The following RAB31 variants were observed in gnomAD, a reference collection of about 807,000 sequenced individuals.
RAB31 encodes the protein RAB31, member RAS oncogene family, also known as ras-related protein Rab-31.
RAB31 carries 21 observed loss-of-function variants against 25.6 expected under a neutral mutation model. The observed-to-expected ratio is 0.82, with a 90% CI of 0.58 to 1.18. The LOEUF (loss-of-function observed/expected upper bound fraction) is 1.18. Among genes scored for constraint, RAB31 ranks in the 50% most tolerant of loss-of-function variants. The pLI is 0.00. For synonymous variants in RAB31, 87 were observed against 84.0 expected (o/e 1.04, Z -0.20); for missense variants, 196 against 250.1 (o/e 0.78, Z 1.46).
chr18:9,770,591 C>T (rs1329570188), intron 1 of RAB31, among the ~76,000 whole-genome samples: 1 of 152,188 alleles, frequency 6.6e-6, no homozygotes, highest in East Asian at 1.9e-4. Flanking sequence ...GAGTACGTCT[C>T]TGATATCGAC....
intron 5 of RAB31, among the ~76,000 whole-genome samples, chr18:9,835,150 G>A (rs1000495196): frequency 1.3e-5 from 2 of 152,074 alleles, no homozygotes; most frequent in East Asian, 1.9e-4. Flanking sequence ...TAGCTAAGAC[G>A]GTGTAGGGTC....
intron 2 of RAB31, among the ~76,000 whole-genome samples, chr18:9,780,252 G>T (rs1408237943): frequency 6.7e-6 from 1 of 150,142 alleles, no homozygotes; most frequent in Non-Finnish European, 1.5e-5. Flanking sequence ...AGGAATCTTA[G>T]TGTACATACA....
At chr18:9,789,684 A>G (rs1470009224) in intron 2 of RAB31, among the ~76,000 whole-genome samples, 1 of 152,100 alleles carries the variant, frequency 6.6e-6, no homozygotes, top group Non-Finnish European at 1.5e-5. Context: ...AATTTTTTTT[A>G]TGAAATACAT....
In RAB31 at chr18:9,846,247, C is replaced by T. The variant is rs116006636; in HGVS notation, c.490+556C>T. Reference sequence around the variant, plus strand: ...CCTTCCTGGTCCCAGTGCTGGGTCCCGTTATGCTCACTGTATGCCGGCTCC... The same window carrying T: ...CCTTCCTGGTCCCAGTGCTGGGTCCTGTTATGCTCACTGTATGCCGGCTCC... On this transcript the variant is annotated intron_variant, in intron 6 of 6. Transcript: ENST00000578921. 3.6e-3 allele frequency among the ~76,000 whole-genome samples: 554 copies of T among 152,262 alleles called. 5 individuals are homozygous for T. Among genetic ancestry groups the T allele is most frequent in the African/African-American group, 0.013 (528 of 41,532 alleles).
At chr18:9,773,961 A>G (rs1437392175) in intron 1 of RAB31, among the ~76,000 whole-genome samples, 3 of 152,162 alleles carry the variant, frequency 2.0e-5, no homozygotes, top group Non-Finnish European at 4.4e-5. Context: ...ACACCTAGCC[A>G]TATTTTAAAT....
chr18:9,711,334 C>T (rs1245285436), intron 1 of RAB31, among the ~76,000 whole-genome samples: 3 of 152,004 alleles, frequency 2.0e-5, no homozygotes, highest in Non-Finnish European at 4.4e-5. Flanking sequence ...TCGAGAGACC[C>T]TGTGGATCAG....
rs186571418 is a variant in RAB31, at chr18:9,800,140, G to A, written c.201+7905G>A. On this transcript the variant is annotated intron_variant, in intron 3 of 6. Transcript: ENST00000578921. ...TGCGGGAGCCTAGAGTCAACACATA[G>A]AGTGGCTTTTAGCGAGAGGAGCTGA... Among the ~76,000 whole-genome samples, 26 of 152,318 alleles carry A rather than the reference G, an allele frequency of 1.7e-4. No homozygotes were observed. In the East Asian group the frequency reaches 4.1e-3, roughly 24 times the overall value.
At chr18:9,840,184 A>G (rs1352512858) in intron 5 of RAB31, among the ~76,000 whole-genome samples, 1 of 152,220 alleles carries the variant, frequency 6.6e-6, no homozygotes, top group Non-Finnish European at 1.5e-5. Flanking sequence ...GGGGATCTGC[A>G]TCCACACTTC....
At chr18:9,757,201 G>A (rs111250668) in intron 1 of RAB31, among the ~76,000 whole-genome samples, 3,684 of 152,280 alleles carry the variant, frequency 0.024, 127 homozygotes, top group African/African-American at 0.076. Context: ...GTCAGAGCCC[G>A]AAGATCAGAG....
chr18:9,728,086 A>G (rs1299772663), intron 1 of RAB31, among the ~76,000 whole-genome samples: 7 of 152,190 alleles, frequency 4.6e-5, no homozygotes, highest in Admixed American at 2.0e-4. Context: ...AATGTCTTCT[A>G]TTTCTTGTGT....
intron 6 of RAB31, among the ~76,000 whole-genome samples, chr18:9,853,230 T>G (rs1411781041): frequency 1.3e-5 from 2 of 152,212 alleles, no homozygotes; most frequent in African/African-American, 4.8e-5. Context: ...TAATTATTGA[T>G]GAAGTGTAGT....
chr18:9,771,107 G>A (rs2068342699), intron 1 of RAB31, among the ~76,000 whole-genome samples: 1 of 152,134 alleles, frequency 6.6e-6, no homozygotes, highest in Non-Finnish European at 1.5e-5. Context: ...GGAGTTCGAG[G>A]CTGCAGTGAG....
In RAB31 at chr18:9,861,635, A is replaced by G. The variant is rs1641052355; in HGVS notation, c.*2310A>G. On this transcript the variant is annotated 3_prime_UTR_variant, in exon 7 of 7. Coordinates refer to ENST00000578921, the MANE Select transcript of RAB31 (RefSeq NM_006868.4). Reference sequence around the variant, plus strand: ...TTCCTGGCTGTCTAATAATTGAACCATAACCATGTAATATTATGTAAAGGC... The same window carrying G: ...TTCCTGGCTGTCTAATAATTGAACCGTAACCATGTAATATTATGTAAAGGC... 1 of 152,202 alleles carries G rather than the reference A, an allele frequency of 6.6e-6. No homozygotes were observed. The highest frequency in any genetic ancestry group is 2.4e-5 in the African/African-American group (1 of 41,438). The allele number at this position is 152,202 out of a possible 1,614,324, so 9.4% of individuals were successfully genotyped here.
chr18:9,784,135 C>G lies in RAB31; in HGVS notation c.120-8019C>G, dbSNP rs184219757. ...CACTGTACCCTTGACCTCCTGGGCTCAAGGGATCCTCCTGCATCAGCTTCC... is the reference window on the plus strand; with the variant it reads ...CACTGTACCCTTGACCTCCTGGGCTGAAGGGATCCTCCTGCATCAGCTTCC... On this transcript the variant is annotated intron_variant, in intron 2 of 6. Coordinates refer to ENST00000578921, the MANE Select transcript of RAB31 (RefSeq NM_006868.4). 3.9e-5 allele frequency among the ~76,000 whole-genome samples: 6 copies of G among 152,186 alleles called. No homozygotes were observed. In the South Asian group the frequency reaches 6.2e-4, roughly 16 times the overall value.
chr18:9,736,070 C>T (rs1219915608), intron 1 of RAB31, among the ~76,000 whole-genome samples: 2 of 152,144 alleles, frequency 1.3e-5, no homozygotes, highest in African/African-American at 4.8e-5. Flanking sequence ...CTCCTGGGCT[C>T]ACACAACCCT....
intron 6 of RAB31, among the ~76,000 whole-genome samples, chr18:9,852,335 A>C (rs1372576230): frequency 6.6e-6 from 1 of 152,220 alleles, no homozygotes; most frequent in Non-Finnish European, 1.5e-5. Flanking sequence ...CTATCATCAA[A>C]TAAACAGTCA....
At chr18:9,764,692 C>T (rs9966004) in intron 1 of RAB31, among the ~76,000 whole-genome samples, 2,826 of 152,218 alleles carry the variant, frequency 0.019, 91 homozygotes, top group African/African-American at 0.064. Flanking sequence ...TTACATCTCT[C>T]CTGGCCATTT....
chr18:9,837,601 A>C (rs1247994448), intron 5 of RAB31, among the ~76,000 whole-genome samples: 1 of 152,260 alleles, frequency 6.6e-6, no homozygotes, highest in East Asian at 1.9e-4. Context: ...GAACAATTAC[A>C]AATAAATAAG....
rs755259452 is a variant in RAB31, at chr18:9,861,974, G to A, written c.*2649G>A. Reference sequence around the variant, plus strand: ...GACTTGCCATTTTATGGTTAAAAACGGCACATTAGGCAGTTGAATATGACG... The same window carrying A: ...GACTTGCCATTTTATGGTTAAAAACAGCACATTAGGCAGTTGAATATGACG... On this transcript the variant is annotated 3_prime_UTR_variant, in exon 7 of 7. Coordinates refer to ENST00000578921, the MANE Select transcript of RAB31 (RefSeq NM_006868.4). 4 of 152,574 alleles carry A rather than the reference G, an allele frequency of 2.6e-5. No individual in the cohort carries two copies. Among genetic ancestry groups the A allele is most frequent in the South Asian group, 4.1e-4 (2 of 4,838 alleles). The allele number at this position is 152,574 out of a possible 1,614,324, so 9.5% of individuals were successfully genotyped here.
Sources: gnomAD v4.1 joint callset for allele counts (sites outside exome capture counted in the v4.1 genomes callset) on GRCh38, gnomAD v4.1.1 for gene constraint, MANE v1.5 for transcripts, NCBI Gene and HGNC (gene_info 2026-07-23, HGNC 2026-07-21) for gene names.